The following PRKCH variants were observed in gnomAD, a reference collection of about 807,000 sequenced individuals.
The protein encoded by PRKCH is protein kinase C eta, also known as protein kinase C eta type.
In PRKCH, 28 loss-of-function variants were observed where a neutral mutation model predicts 82.5. The observed-to-expected ratio is 0.34, with a 90% CI of 0.25 to 0.47. PRKCH has a LOEUF of 0.47. Among genes scored for constraint, PRKCH ranks in the 20% least tolerant of loss-of-function variants. The pLI is 1.00. For synonymous variants in PRKCH, 322 were observed against 327.4 expected (o/e 0.98, Z 0.18); for missense variants, 705 against 881.8 (o/e 0.80, Z 2.54).
intron 9 of PRKCH, among the ~76,000 whole-genome samples, chr14:61,481,990 C>CTTTTTTTTT (rs35134897): frequency 2.0e-5 from 2 of 101,076 alleles, no homozygotes; most frequent in African/African-American, 4.2e-5. Flanking sequence ...TTTCCTTTTC[C>CTTTTTTTTT]TTTTTTTTTT....
chr14:61,193,589 A>G (rs1312699915), intron 1 of PRKCH, among the ~76,000 whole-genome samples: 1 of 152,164 alleles, frequency 6.6e-6, no homozygotes, highest in African/African-American at 2.4e-5. Flanking sequence ...TTCTTGTGAT[A>G]AATGTTTCAT....
At chr14:61,301,752 G>T (rs2045449179) in intron 1 of PRKCH, among the ~76,000 whole-genome samples, 1 of 152,132 alleles carries the variant, frequency 6.6e-6, no homozygotes, top group South Asian at 2.1e-4. Context: ...GAGGTGGGAG[G>T]ATCACTGGAG....
chr14:61,533,117 T>A (rs2043061546), intron 12 of PRKCH, among the ~76,000 whole-genome samples: 1 of 152,184 alleles, frequency 6.6e-6, no homozygotes, highest in Non-Finnish European at 1.5e-5. Context: ...CTCAGTGTCC[T>A]TGCTTGTAAA....
At chr14:61,344,634 G>T (rs749095543) in intron 1 of PRKCH, among the ~76,000 whole-genome samples, 1 of 152,058 alleles carries the variant, frequency 6.6e-6, no homozygotes, top group African/African-American at 2.4e-5. Flanking sequence ...CTGCAGGTAC[G>T]CCTCGGGTGA....
At chr14:61,474,901 GA>G (rs1885663788) in intron 9 of PRKCH, among the ~76,000 whole-genome samples, 1 of 152,172 alleles carries the variant, frequency 6.6e-6, no homozygotes, top group African/African-American at 2.4e-5. Context: ...GACAGGGGGA[GA>G]GGAAATGAAT....
chr14:61,332,267 T>C (rs1217955549), intron 1 of PRKCH, among the ~76,000 whole-genome samples: 1 of 152,188 alleles, frequency 6.6e-6, no homozygotes, highest in African/African-American at 2.4e-5. Flanking sequence ...TATGGTAGTG[T>C]TTAAGTGCTG....
chr14:61,218,931 G>C (rs11850748), intron 1 of PRKCH, among the ~76,000 whole-genome samples: 4,986 of 152,236 alleles, frequency 0.033, 264 homozygotes, highest in African/African-American at 0.11. Flanking sequence ...GCCCTCCTTC[G>C]AAATACAGTC....
chr14:61,235,140 G>A (rs895034878), intron 1 of PRKCH, among the ~76,000 whole-genome samples: 2 of 152,130 alleles, frequency 1.3e-5, no homozygotes, highest in African/African-American at 4.8e-5. Context: ...CCTACCTTAA[G>A]GCACCCCTTA....
chr14:61,475,552 A>T (rs917703531), intron 9 of PRKCH, among the ~76,000 whole-genome samples: 2 of 152,228 alleles, frequency 1.3e-5, no homozygotes, highest in Admixed American at 6.5e-5. Flanking sequence ...GATCTTTATC[A>T]TGGCATAGAG....
chr14:61,261,801 C>T (rs1475203283), intron 1 of PRKCH, among the ~76,000 whole-genome samples: 1 of 152,030 alleles, frequency 6.6e-6, no homozygotes, highest in Non-Finnish European at 1.5e-5. Context: ...ATGATTCAAC[C>T]CCTTTGGAAA....
intron 2 of PRKCH, among the ~76,000 whole-genome samples, chr14:61,437,896 A>C (rs985010138): frequency 6.6e-6 from 1 of 152,066 alleles, no homozygotes; most frequent in African/African-American, 2.4e-5. Context: ...CGTGAGTTTG[A>C]GACCAGCCTA....
chr14:61,287,079 A>C (rs1218795550), intron 1 of PRKCH, among the ~76,000 whole-genome samples: 1 of 150,234 alleles, frequency 6.7e-6, no homozygotes, highest in Non-Finnish European at 1.5e-5. Context: ...GGTGGCATGC[A>C]CCTGTGATCC....
At chr14:61,325,297 A>G (rs754847199) in intron 1 of PRKCH, among the ~76,000 whole-genome samples, 2 of 152,134 alleles carry the variant, frequency 1.3e-5, no homozygotes, top group African/African-American at 2.4e-5. Flanking sequence ...AATAGAAGAG[A>G]GTCTAGGAAT....
intron 9 of PRKCH, among the ~76,000 whole-genome samples, chr14:61,473,175 C>A (rs1450560170): frequency 6.6e-6 from 1 of 152,088 alleles, no homozygotes; most frequent in African/African-American, 2.4e-5. Flanking sequence ...CCCAGGAAAC[C>A]CCAAATGACT....
intron 1 of PRKCH, among the ~76,000 whole-genome samples, chr14:61,329,312 C>A (rs1318641710): frequency 7.6e-6 from 1 of 132,276 alleles, no homozygotes; most frequent in South Asian, 2.7e-4. Flanking sequence ...TCTCGGCTCA[C>A]TTCAACCTCC....
chr14:61,320,629 G>C (rs2045605459), upstream of PRKCH, among the ~76,000 whole-genome samples: 1 of 128,908 alleles, frequency 7.8e-6, no homozygotes, highest in Non-Finnish European at 1.8e-5. Flanking sequence ...ACAACAAAAA[G>C]TGGCCTAGGC....
chr14:61,250,788 T>C (rs2044938913), intron 1 of PRKCH, among the ~76,000 whole-genome samples: 1 of 152,108 alleles, frequency 6.6e-6, no homozygotes, highest in Admixed American at 6.5e-5. Context: ...TGTACCACTT[T>C]GGTGGGTTGT....
chr14:61,236,141 G>A lies in PRKCH; in HGVS notation c.-19+48473G>A, dbSNP rs551195765. 1.1e-4 allele frequency among the ~76,000 whole-genome samples: 16 copies of A among 152,264 alleles called. No homozygotes were observed. In the Middle Eastern group the frequency reaches 0.014, roughly 129 times the overall value. On this transcript the variant is annotated intron_variant, in intron 1 of 3. Transcript: ENST00000555185. ...TCCCAGCACTTTGGAAGGCCGAGGC[G>A]GGCAGATGACGTGAGGTCAGGAGTT... is the stretch of plus-strand genomic sequence containing the variant.
intron 1 of PRKCH, among the ~76,000 whole-genome samples, chr14:61,212,818 C>A (rs1415135211): frequency 6.6e-6 from 1 of 152,180 alleles, no homozygotes; most frequent in African/African-American, 2.4e-5. Flanking sequence ...TTGCAAGATG[C>A]TAAGAGTAAA....
Sources: allele counts gnomAD v4.1 joint callset (sites outside exome capture counted in the v4.1 genomes callset), GRCh38; gene constraint gnomAD v4.1.1; transcripts MANE v1.5; gene names NCBI Gene and HGNC (gene_info 2026-07-23, HGNC 2026-07-21).